FREM3: variants seen among roughly 807,000 people sequenced by gnomAD.
FREM3 encodes FRAS1 related extracellular matrix 3, also known as FRAS1-related extracellular matrix protein 3.
A neutral mutation model predicts 129.1 loss-of-function variants in FREM3; 105 were observed. The ratio of observed to expected loss-of-function variants is 0.81; its 90% CI spans 0.69 to 0.96. FREM3 has a LOEUF of 0.96. FREM3 is among the 40% of genes least tolerant of loss of function. FREM3 has a pLI of 0.00. For synonymous variants in FREM3, 1,014 were observed against 1,044.9 expected, an observed-to-expected ratio of 0.97 and a Z score of 0.57; for missense variants, 2,593 against 2,666.3, an observed-to-expected ratio of 0.97 and a Z score of 0.61.
At chr4:143,641,745 T>C (rs964223528) in intron 2 of FREM3, among the ~76,000 whole-genome samples, 2 of 152,204 alleles carry the variant, frequency 1.3e-5, no homozygotes, top group African/African-American at 4.8e-5. Flanking sequence ...TAATTGTTAG[T>C]TAAATAAAAA....
At chr4:143,599,561 A>G (rs1455371668) in intron 6 of FREM3, among the ~76,000 whole-genome samples, 1 of 152,190 alleles carries the variant, frequency 6.6e-6, no homozygotes, top group Non-Finnish European at 1.5e-5. Context: ...TTAGAGGATT[A>G]TGGTAGGAGG....
At chr4:143,630,942 T>C (rs958356054) in intron 2 of FREM3, among the ~76,000 whole-genome samples, 1 of 152,122 alleles carries the variant, frequency 6.6e-6, no homozygotes, top group South Asian at 2.1e-4. Flanking sequence ...GGCCTAAAGA[T>C]ACCAGTGGCT....
In FREM3 at chr4:143,695,510, G is replaced by A. The variant is rs1018223756; in HGVS notation, c.5166C>T (p.Ser1722=). The A allele has an allele frequency of 4.6e-6, 7 of 1,537,276 alleles. No individual in the cohort carries two copies. The African/African-American group carries it at 9.6e-5, about 21-fold the overall frequency. ...FIIKTGLGNQ[S]TRVFTQADID... is the part of the protein sequence containing the mutation. Reference sequence around the variant, plus strand: ...ACTAACCTTGTGTAAACACTCGAGTGCTCTGGTTTCCAAGGCCAGTTTTGA... The same window carrying A: ...ACTAACCTTGTGTAAACACTCGAGTACTCTGGTTTCCAAGGCCAGTTTTGA... Residue 1722 remains serine (S), a synonymous_variant, in exon 1 of 8, where the codon AGC becomes AGT. Coordinates refer to ENST00000329798, the MANE Select transcript of FREM3 (RefSeq NM_001168235.2).
rs1210945114 is a variant in FREM3, at chr4:143,585,064, AT to A, written c.6178+779del. Among the ~76,000 whole-genome samples the A allele has an allele frequency of 6.6e-6, 1 of 152,182 alleles. No individual in the cohort carries two copies. The highest frequency in any genetic ancestry group is 1.5e-5 in the Non-Finnish European group (1 of 68,018). ...ATGTAATTAAGGCAGAAACCAAGAA[AT>A]TTTTTTGAAACTAATGAGAACAAAG... On this transcript the variant is annotated intron_variant, in intron 7 of 7. Coordinates refer to ENST00000329798, the MANE Select transcript of FREM3 (RefSeq NM_001168235.2). This position sits in a 1 kb window ranked among gnomAD's most constrained non-coding sequence, Gnocchi z 4.2.
intron 7 of FREM3, among the ~76,000 whole-genome samples, chr4:143,584,147 C>A (rs904446867): frequency 6.6e-6 from 1 of 152,174 alleles, no homozygotes; most frequent in Non-Finnish European, 1.5e-5. Flanking sequence ...CGGTGGCTCA[C>A]GCCTGTAATC....
At chr4:143,670,453 A>G (rs961275138) in intron 2 of FREM3, among the ~76,000 whole-genome samples, 1 of 152,146 alleles carries the variant, frequency 6.6e-6, no homozygotes, top group Non-Finnish European at 1.5e-5. Context: ...ATGGAATTTA[A>G]GACTTCATCC....
At chr4:143,602,486 C>A (rs112179017) in intron 6 of FREM3, among the ~76,000 whole-genome samples, 4 of 152,136 alleles carry the variant, frequency 2.6e-5, no homozygotes, top group African/African-American at 9.6e-5. Context: ...AGAAGTATCT[C>A]CCAAAAAAGT....
At chr4:143,658,699 A>T (rs1000929882) in intron 2 of FREM3, among the ~76,000 whole-genome samples, 2 of 152,216 alleles carry the variant, frequency 1.3e-5, no homozygotes, top group African/African-American at 4.8e-5. Flanking sequence ...TTCTTAAAAC[A>T]TTATGAGAAT....
chr4:143,609,447 G>A (rs572644610), intron 6 of FREM3, among the ~76,000 whole-genome samples: 1 of 152,020 alleles, frequency 6.6e-6, no homozygotes, highest in East Asian at 1.9e-4. Flanking sequence ...ATAAAAAGAA[G>A]GATATACTGT....
intron 2 of FREM3, among the ~76,000 whole-genome samples, chr4:143,675,699 T>A (rs1452852442): frequency 6.6e-6 from 1 of 152,094 alleles, no homozygotes; most frequent in Non-Finnish European, 1.5e-5. Context: ...TAAAAAATGA[T>A]AAAGGGGATA....
In FREM3 at chr4:143,698,799, T is replaced by A. The variant is rs1223299391; in HGVS notation, c.1877A>T (p.Asp626Val). Reference protein sequence around the residue: ...QQAELPLSTEDEDWHYMEKEG... With the variant: ...QQAELPLSTEVEDWHYMEKEG... ...CTTTTCCATGTAGTGCCAGTCTTCA[T>A]CTTCAGTTGAGAGAGGTAGTTCAGC... Residue 626 changes from aspartate to valine, a missense_variant, in exon 1 of 8, where the codon GAT (aspartate) becomes GTT (valine). Physicochemically the swap from Asp to Val is radical, Grantham distance 152. Transcript: ENST00000329798. The A allele has an allele frequency of 3.3e-6, 5 of 1,537,702 alleles. No homozygotes were observed. The African/African-American group carries it at 4.1e-5, about 13-fold the overall frequency.
At chr4:143,643,024 T>C (rs565285589) in intron 2 of FREM3, among the ~76,000 whole-genome samples, 101 of 152,272 alleles carry the variant, frequency 6.6e-4, no homozygotes, top group African/African-American at 2.1e-3. Context: ...AAGTGTTTAA[T>C]ATCACTAATT....
intron 2 of FREM3, among the ~76,000 whole-genome samples, chr4:143,634,201 A>G (rs1422953918): frequency 6.6e-6 from 1 of 152,174 alleles, no homozygotes; most frequent in East Asian, 1.9e-4. Flanking sequence ...ATTTGGATAT[A>G]TGGGACAAAG....
intron 2 of FREM3, among the ~76,000 whole-genome samples, chr4:143,673,292 G>C (rs1475520618): frequency 1.3e-5 from 2 of 152,188 alleles, no homozygotes; most frequent in Admixed American, 6.5e-5. Flanking sequence ...CTTCCTGTTT[G>C]TTAGTTTTCC....
rs1353877712 is a variant in FREM3, at chr4:143,696,528, C to A, written c.4148G>T (p.Gly1383Val). The A allele has an allele frequency of 6.5e-7, 1 of 1,537,388 alleles. No homozygotes were observed. Among genetic ancestry groups the A allele is most frequent in the East Asian group, 2.4e-5 (1 of 40,904 alleles). Residue 1383 changes from glycine (G) to valine (V), a missense_variant, in exon 1 of 8, where the codon GGC becomes GTC. Transcript: ENST00000329798. The part of the protein sequence containing the change: ...MNFTQDEINR[G>V]LICYIHTGQE... ...GCCTGTGTGGATATAGCAGATGAGG[C>A]CTCTGTTAATCTCATCCTGGGTAAA... is the stretch of plus-strand genomic sequence containing the variant.
At chr4:143,601,401 C>G (rs1203720697) in intron 6 of FREM3, among the ~76,000 whole-genome samples, 1 of 152,142 alleles carries the variant, frequency 6.6e-6, no homozygotes, top group Admixed American at 6.6e-5. Flanking sequence ...TTTCCAAATC[C>G]TACTGCCTCA....
Position 143,676,887 on chromosome 4 carries a change from A to G in FREM3, c.5275+16226T>C, listed in dbSNP as rs557901056. On this transcript the variant is annotated intron_variant, in intron 2 of 7. Transcript: ENST00000329798. ...ACTACAAACCACTGCTCAATGAAAT[A>G]AAAGAGGATACAAACAAATGGAAGA... Among the ~76,000 whole-genome samples the G allele has an allele frequency of 7.9e-5, 12 of 152,342 alleles. 1 individual carries two copies. The highest frequency in any genetic ancestry group is 3.9e-4 in the Admixed American group (6 of 15,300).
intron 2 of FREM3, among the ~76,000 whole-genome samples, chr4:143,671,140 A>C (rs1448237628): frequency 1.3e-5 from 2 of 152,166 alleles, no homozygotes; most frequent in Non-Finnish European, 2.9e-5. Context: ...AATGAACTTG[A>C]AATTTAATAA....
intron 6 of FREM3, among the ~76,000 whole-genome samples, chr4:143,610,388 G>A (rs1738736421): frequency 6.6e-6 from 1 of 152,118 alleles, no homozygotes; most frequent in Non-Finnish European, 1.5e-5. Flanking sequence ...TACCTACCTG[G>A]AGAGTATAAA....
Sources: allele counts gnomAD v4.1 joint callset (sites outside exome capture counted in the v4.1 genomes callset), GRCh38; gene constraint gnomAD v4.1.1; non-coding constraint Gnocchi (gnomAD v3.1); transcripts MANE v1.5; gene names NCBI Gene and HGNC (gene_info 2026-07-23, HGNC 2026-07-21).